OSBPL9: variants seen among roughly 807,000 people sequenced by gnomAD.
OSBPL9 encodes the protein oxysterol-binding protein-related protein 9.
In OSBPL9, 40 loss-of-function variants were observed where a neutral mutation model predicts 106.6. That is an observed-to-expected ratio of 0.38 (90% CI 0.29 to 0.49). The LOEUF is 0.49. Ranked by LOEUF, OSBPL9 falls within the 20% of genes least tolerant of loss-of-function variation. The pLI is 0.97. For missense variants in OSBPL9, 609 were observed against 887.2 expected, an observed-to-expected ratio of 0.69 and a Z score of 3.98; for synonymous variants, 269 against 295.4, an observed-to-expected ratio of 0.91 and a Z score of 0.92.
rs188309988 is a variant in OSBPL9 at position 51,693,461 on chromosome 1, C to T, written c.242-20542C>T. The stretch of plus-strand genomic sequence containing the variant: ...ATCCCAAACCTCAGGGATAGCTGAG[C>T]GAGGGAAGGGAAAAAAATGTAAACA... On this transcript the variant is annotated intron_variant, in intron 3 of 23. Transcript: ENST00000428468. Among the ~76,000 whole-genome samples, 12 of 150,782 alleles carry T rather than the reference C, an allele frequency of 8.0e-5. No homozygotes were observed. In the East Asian group the frequency reaches 1.4e-3, roughly 17 times the overall value.
chr1:51,556,718 G>A, the OSBPL9 span, among the ~76,000 whole-genome samples: 12,326 of 149,974 alleles, frequency 0.082, 577 homozygotes, highest in African/African-American at 0.11. Flanking sequence ...CCTGGGAGGC[G>A]GAGGTTGCAG....
At chr1:51,787,625 T>C (rs1033178003) in intron 23 of OSBPL9, 90 bp from the exon 24 acceptor site, 12 of 1,585,988 alleles carry the variant, frequency 7.6e-6, no homozygotes, top group Non-Finnish European at 1.0e-5. Context: ...TTCAGTCTAA[T>C]GGCGGGGTGG....
chr1:51,706,680 T>G (rs1658616153), intron 3 of OSBPL9, among the ~76,000 whole-genome samples: 1 of 149,288 alleles, frequency 6.7e-6, no homozygotes, highest in African/African-American at 2.4e-5. Flanking sequence ...ATTTAATATA[T>G]ATATGAATTT....
intron 4 of OSBPL9, among the ~76,000 whole-genome samples, chr1:51,735,881 TTC>T (rs1419493966): frequency 6.6e-6 from 1 of 152,242 alleles, no homozygotes; most frequent in Non-Finnish European, 1.5e-5. Flanking sequence ...CCTAGTTAGT[TTC>T]TCTTTCTTCT....
At chr1:51,724,314 C>T (rs908365981) in intron 4 of OSBPL9, among the ~76,000 whole-genome samples, 3 of 152,204 alleles carry the variant, frequency 2.0e-5, no homozygotes, top group South Asian at 4.1e-4. Context: ...GATGGAGTCT[C>T]ACTCTGTCGC....
intron 3 of OSBPL9, among the ~76,000 whole-genome samples, chr1:51,713,245 G>A (rs1660438547): frequency 1.3e-5 from 2 of 152,112 alleles, no homozygotes; most frequent in South Asian, 4.1e-4. Context: ...CGCCTCCCGG[G>A]TTCAAGTGAT....
At chr1:51,584,918 G>T (rs1476948279) in intron 1 of OSBPL9, among the ~76,000 whole-genome samples, 3 of 152,054 alleles carry the variant, frequency 2.0e-5, no homozygotes, top group Non-Finnish European at 2.9e-5. Context: ...TGGGGAAAAG[G>T]TGGGCATTTG....
At chr1:51,620,742 A>G (rs1644376129) in intron 1 of OSBPL9, among the ~76,000 whole-genome samples, 1 of 152,216 alleles carries the variant, frequency 6.6e-6, no homozygotes, top group Non-Finnish European at 1.5e-5. Flanking sequence ...TTCTTGGCAA[A>G]CCATGTTAAG....
intron 5 of OSBPL9, 130 bp from the exon 6 acceptor site, chr1:51,746,580 T>G (rs1010434890): frequency 1.5e-6 from 1 of 659,592 alleles, no homozygotes; most frequent in African/African-American, 1.8e-5. Flanking sequence ...CATGTTGTCT[T>G]GAAAATAACA....
chr1:51,729,726 C>T lies in OSBPL9; in HGVS notation c.318+15647C>T, dbSNP rs1301901337. On this transcript the variant is annotated intron_variant, in intron 4 of 23. Coordinates refer to ENST00000428468, the MANE Select transcript of OSBPL9 (RefSeq NM_024586.6). The surrounding 1 kb of genome is among the most constrained non-coding windows in gnomAD (Gnocchi z 5.1). Reference sequence around the variant, plus strand: ...CTACAGCAGGTGACCCATGGCCAATCGCCAGGGGTCTCTTTGCCAGGAGCC... The same window carrying T: ...CTACAGCAGGTGACCCATGGCCAATTGCCAGGGGTCTCTTTGCCAGGAGCC... 145 of 909,018 alleles carry T rather than the reference C, an allele frequency of 1.6e-4. No individual in the cohort carries two copies. The East Asian group carries it at 4.8e-3, about 30-fold the overall frequency. 56.3% of individuals were successfully genotyped at this position (909,018 alleles called of 1,614,324 possible). A position where few individuals can be genotyped will look rare whatever the true frequency, so the allele number is the denominator to read the frequency against.
intron 1 of OSBPL9, among the ~76,000 whole-genome samples, chr1:51,621,091 C>G (rs1165987627): frequency 6.6e-6 from 1 of 152,282 alleles, no homozygotes; most frequent in East Asian, 1.9e-4. Flanking sequence ...TCATTTCATC[C>G]AGCTTATACA....
At chr1:51,670,947 A>G (rs1221821155) in intron 3 of OSBPL9, among the ~76,000 whole-genome samples, 2 of 152,206 alleles carry the variant, frequency 1.3e-5, no homozygotes, top group Admixed American at 1.3e-4. Flanking sequence ...AGTTACTAAG[A>G]AGGAGACACC....
intron 3 of OSBPL9, among the ~76,000 whole-genome samples, chr1:51,696,546 A>C (rs1656050115): frequency 6.6e-6 from 1 of 152,196 alleles, no homozygotes; most frequent in Admixed American, 6.5e-5. Flanking sequence ...CACGTAAGAT[A>C]ATGTCCAACA....
intron 3 of OSBPL9, chr1:51,709,351 A>G (rs1417039213): frequency 4.6e-6 from 1 of 215,830 alleles, no homozygotes; most frequent in Non-Finnish European, 9.9e-6. Flanking sequence ...GATAAGTACA[A>G]GCAGGTCCTT....
At chr1:51,757,674 C>T (rs1009137202) in intron 9 of OSBPL9, among the ~76,000 whole-genome samples, 1 of 151,948 alleles carries the variant, frequency 6.6e-6, no homozygotes, top group Non-Finnish European at 1.5e-5. Flanking sequence ...AGCATATTTT[C>T]CTTAAGAATT....
chr1:51,574,329 C>T (rs1037296396), upstream of OSBPL9, among the ~76,000 whole-genome samples: 3 of 152,152 alleles, frequency 2.0e-5, no homozygotes, highest in Admixed American at 6.5e-5. Context: ...GGTTGAAAGG[C>T]ATGAAACAGG....
intron 12 of OSBPL9, among the ~76,000 whole-genome samples, chr1:51,766,930 T>G (rs1672680973): frequency 6.7e-6 from 1 of 150,236 alleles, no homozygotes; most frequent in African/African-American, 2.5e-5. Flanking sequence ...AAAAAAAAAT[T>G]AGCCAGGCAT....
chr1:51,689,176 T>C (rs1654452347), intron 3 of OSBPL9, among the ~76,000 whole-genome samples: 1 of 152,262 alleles, frequency 6.6e-6, no homozygotes, highest in Non-Finnish European at 1.5e-5. Flanking sequence ...ATTTTATTTA[T>C]AGTAACATAA....
chr1:51,599,511 T>C (rs1032638903), intron 2 of OSBPL9, among the ~76,000 whole-genome samples: 1 of 152,084 alleles, frequency 6.6e-6, no homozygotes, highest in Non-Finnish European at 1.5e-5. Context: ...TATATACATA[T>C]TTATATTACT....
Sources: gnomAD v4.1 joint callset for allele counts (sites outside exome capture counted in the v4.1 genomes callset) on GRCh38, gnomAD v4.1.1 for gene constraint, Gnocchi (gnomAD v3.1) non-coding constraint, MANE v1.5 for transcripts, NCBI Gene and HGNC (gene_info 2026-07-23, HGNC 2026-07-21) for gene names.